Variants in HDAC9 observed in about 807,000 individuals in gnomAD.
The protein encoded by HDAC9 is MEF-2 interacting transcription repressor (MITR) protein.
Under a neutral mutation model 139.4 loss-of-function variants are expected in HDAC9, and 41 were observed. The ratio of observed to expected loss-of-function variants is 0.29; its 90% CI spans 0.23 to 0.38. The LOEUF (loss-of-function observed/expected upper bound fraction) is 0.38, where lower values mean the gene tolerates loss of function less well. Among genes scored for constraint, HDAC9 ranks in the 10% least tolerant of loss-of-function variants. The pLI is 1.00. For synonymous variants in HDAC9, 517 were observed against 476.2 expected, an observed-to-expected ratio of 1.09 and a Z score of -1.12; for missense variants, 1,147 against 1,297.0, an observed-to-expected ratio of 0.88 and a Z score of 1.78.
intron 1 of HDAC9, among the ~76,000 whole-genome samples, chr7:18,313,231 T>C (rs1799431277): frequency 6.6e-6 from 1 of 152,102 alleles, no homozygotes; most frequent in African/African-American, 2.4e-5. Flanking sequence ...ATATGAAAAA[T>C]AGACCAGTAA....
chr7:18,823,843 G>A (rs971842768), intron 17 of HDAC9, among the ~76,000 whole-genome samples: 1 of 151,884 alleles, frequency 6.6e-6, no homozygotes, highest in South Asian at 2.1e-4. Context: ...GCCAGGTGTG[G>A]TGGTGTGTGC....
intron 22 of HDAC9, chr7:18,892,586 G>A (rs551202910): frequency 3.0e-4 from 46 of 152,190 alleles, no homozygotes; most frequent in African/African-American, 8.2e-4. Context: ...CTCCTGGAAG[G>A]TCATATTGTT....
At chr7:18,925,821 T>C (rs1479150211) in intron 22 of HDAC9, among the ~76,000 whole-genome samples, 1 of 151,910 alleles carries the variant, frequency 6.6e-6, no homozygotes, top group Non-Finnish European at 1.5e-5. Context: ...CACAATGTCT[T>C]TTTTAAAAAC....
chr7:18,414,697 A>G (rs1432462875), intron 1 of HDAC9, among the ~76,000 whole-genome samples: 2 of 152,214 alleles, frequency 1.3e-5, no homozygotes, highest in African/African-American at 2.4e-5. Context: ...ATCAATGTTT[A>G]CTTCTAAATA....
intron 1 of HDAC9, among the ~76,000 whole-genome samples, chr7:18,126,350 C>T (rs957053256): frequency 4.6e-5 from 7 of 152,070 alleles, no homozygotes; most frequent in Admixed American, 6.6e-5. Context: ...TCAGTTTTTA[C>T]ATTCTGAATA....
chr7:18,474,596 TCAGAG>T (rs961980475), intron 1 of HDAC9, among the ~76,000 whole-genome samples: 1 of 152,248 alleles, frequency 6.6e-6, no homozygotes, highest in African/African-American at 2.4e-5. Context: ...TTTTATGTTC[TCAGAG>T]CATTTAAAGC....
intron 11 of HDAC9, among the ~76,000 whole-genome samples, chr7:18,656,550 T>C (rs1011828565): frequency 3.9e-5 from 6 of 152,158 alleles, no homozygotes; most frequent in Admixed American, 6.6e-5. Context: ...ATTATTTGTT[T>C]TGCAATATTG....
At chr7:18,250,010 C>G (rs1273290575) in intron 2 of HDAC9, among the ~76,000 whole-genome samples, 1 of 151,876 alleles carries the variant, frequency 6.6e-6, no homozygotes, top group Non-Finnish European at 1.5e-5. Context: ...CAGAGTGAGC[C>G]CCACATTATT....
intron 1 of HDAC9, among the ~76,000 whole-genome samples, chr7:18,363,125 T>G (rs1585381385): frequency 6.6e-6 from 1 of 152,192 alleles, no homozygotes; most frequent in East Asian, 1.9e-4. Context: ...TAGTTATAAT[T>G]AATTCGGTTT....
chr7:18,908,738 A>T (rs1350617788), intron 22 of HDAC9, among the ~76,000 whole-genome samples: 1 of 151,872 alleles, frequency 6.6e-6, no homozygotes, highest in Non-Finnish European at 1.5e-5. Context: ...TCATTCTTTC[A>T]TTCTGTTTTA....
chr7:18,863,254 A>T (rs1286285800), intron 21 of HDAC9, among the ~76,000 whole-genome samples: 1 of 152,156 alleles, frequency 6.6e-6, no homozygotes, highest in African/African-American at 2.4e-5. Context: ...AAAACCAGAG[A>T]GGGCATCACT....
chr7:18,546,088 C>G (rs180886160), intron 2 of HDAC9, among the ~76,000 whole-genome samples: 8 of 152,144 alleles, frequency 5.3e-5, no homozygotes. Flanking sequence ...ATTTGAATAT[C>G]TCCTAAATTT....
At chr7:18,640,827 G>A (rs751300216) in intron 8 of HDAC9, among the ~76,000 whole-genome samples, 10 of 151,970 alleles carry the variant, frequency 6.6e-5, no homozygotes, top group South Asian at 2.1e-4. Flanking sequence ...GGGTGCTGCC[G>A]CGTACTGATG....
chr7:18,769,335 C>T (rs974494340), intron 16 of HDAC9, among the ~76,000 whole-genome samples: 4 of 152,114 alleles, frequency 2.6e-5, no homozygotes, highest in Non-Finnish European at 5.9e-5. Flanking sequence ...TTCCTCTGGA[C>T]CAGTATATCA....
intron 2 of HDAC9, among the ~76,000 whole-genome samples, chr7:18,556,745 A>G (rs1483952181): frequency 2.0e-5 from 3 of 152,048 alleles, no homozygotes; most frequent in Non-Finnish European, 2.9e-5. Context: ...TTCCCCACAC[A>G]TTTTCATGTG....
chr7:18,629,791 T>A (rs998051167), intron 7 of HDAC9, among the ~76,000 whole-genome samples: 1 of 152,130 alleles, frequency 6.6e-6, no homozygotes, highest in Admixed American at 6.6e-5. Flanking sequence ...GAGAATATAA[T>A]TTTTAATGAA....
chr7:18,508,544 T>C (rs751624957), intron 2 of HDAC9, among the ~76,000 whole-genome samples: 8 of 152,162 alleles, frequency 5.3e-5, no homozygotes, highest in Non-Finnish European at 7.3e-5. Context: ...TAACTTGAAG[T>C]GAAGGCTCTT....
chr7:18,634,794 A>G, intron 8 of HDAC9, 52 bp downstream of exon 8: 3 of 1,114,130 alleles, frequency 2.7e-6, no homozygotes, highest in Non-Finnish European at 4.0e-6. Flanking sequence ...CTGATTAGCT[A>G]CCTAATACAA....
chr7:18,571,626 T>A (rs571058427), intron 2 of HDAC9, among the ~76,000 whole-genome samples: 1 of 151,118 alleles, frequency 6.6e-6, no homozygotes, highest in African/African-American at 2.5e-5. Context: ...ATTTTTTATT[T>A]TTTATTTTTT....
Sources: gnomAD v4.1 joint callset for allele counts (sites outside exome capture counted in the v4.1 genomes callset) on GRCh38, gnomAD v4.1.1 for gene constraint, MANE v1.5 for transcripts, NCBI Gene and HGNC (gene_info 2026-07-23, HGNC 2026-07-21) for gene names.